Variants in RIMS2 observed in about 807,000 individuals in gnomAD.
RIMS2 encodes regulating synaptic membrane exocytosis 2.
A neutral mutation model predicts 174.4 loss-of-function variants in RIMS2; 59 were observed. The ratio of observed to expected loss-of-function variants is 0.34; its 90% confidence interval spans 0.27 to 0.42. The LOEUF is 0.42. Among genes scored for constraint, RIMS2 ranks in the 10% least tolerant of loss-of-function variants. The probability of loss-of-function intolerance (pLI) is 1.00; values close to 1 mark genes in which losing one functional copy is unlikely to be tolerated. For synonymous variants in RIMS2, 606 were observed against 572.5 expected, an observed-to-expected ratio of 1.06 and a Z score of -0.84; for missense variants, 1,620 against 1,666.3, an observed-to-expected ratio of 0.97 and a Z score of 0.48.
intron 19 of RIMS2, among the ~76,000 whole-genome samples, chr8:104,077,170 G>A (rs4276655): frequency 0.23 from 35,219 of 152,032 alleles, 4,466 homozygotes; most frequent in East Asian, 0.58. Flanking sequence ...TTAGAGCAGA[G>A]CTTGATATGT....
chr8:104,200,985 A>T (rs1007838631), intron 19 of RIMS2, among the ~76,000 whole-genome samples: 1 of 152,182 alleles, frequency 6.6e-6, no homozygotes, highest in Non-Finnish European at 1.5e-5. Flanking sequence ...TTTTCTCTCA[A>T]CTTTGATTTT....
intron 1 of RIMS2, among the ~76,000 whole-genome samples, chr8:103,559,832 T>C (rs954998387): frequency 6.6e-6 from 1 of 152,170 alleles, no homozygotes; most frequent in Non-Finnish European, 1.5e-5. Context: ...GAAGGGCTGT[T>C]GGTTACTCAC....
chr8:103,960,006 A>C (rs921684859), intron 14 of RIMS2, among the ~76,000 whole-genome samples: 1 of 152,132 alleles, frequency 6.6e-6, no homozygotes, highest in Non-Finnish European at 1.5e-5. Flanking sequence ...CTAAGATCAG[A>C]GCAGAACTGA....
At chr8:104,232,290 G>A (rs2099234762) in intron 19 of RIMS2, among the ~76,000 whole-genome samples, 1 of 152,192 alleles carries the variant, frequency 6.6e-6, no homozygotes, top group South Asian at 2.1e-4. Context: ...CATTCTTGCA[G>A]GTACAACAGT....
intron 1 of RIMS2, among the ~76,000 whole-genome samples, chr8:103,687,467 T>C (rs913636979): frequency 4.6e-5 from 7 of 152,128 alleles, no homozygotes; most frequent in Admixed American, 6.6e-5. Context: ...TCTGTATATA[T>C]TGTGGAATGA....
intron 8 of RIMS2, among the ~76,000 whole-genome samples, chr8:103,917,822 G>T (rs559360977): frequency 3.3e-4 from 50 of 152,140 alleles, no homozygotes; most frequent in African/African-American, 1.2e-3. Context: ...AACCAGCCTG[G>T]CCAACATGGT....
intron 2 of RIMS2, among the ~76,000 whole-genome samples, chr8:103,765,120 T>C (rs1032469520): frequency 1.3e-5 from 2 of 152,132 alleles, no homozygotes; most frequent in African/African-American, 4.8e-5. Context: ...TGAGAAAATG[T>C]TTAGCAACCT....
intron 19 of RIMS2, among the ~76,000 whole-genome samples, chr8:104,188,794 G>C (rs1035651692): frequency 6.6e-5 from 10 of 151,668 alleles, no homozygotes; most frequent in African/African-American, 2.4e-4. Flanking sequence ...TATTTCACTA[G>C]ACTCTTCAGT....
chr8:103,962,346 A>G (rs1021769817), intron 15 of RIMS2, among the ~76,000 whole-genome samples: 1 of 152,152 alleles, frequency 6.6e-6, no homozygotes, highest in Admixed American at 6.5e-5. Flanking sequence ...TCTCTGGAAT[A>G]ATTTTCTGGC....
At chr8:103,974,063 G>A (rs558996055) in intron 15 of RIMS2, among the ~76,000 whole-genome samples, 1 of 152,142 alleles carries the variant, frequency 6.6e-6, no homozygotes, top group Non-Finnish European at 1.5e-5. Flanking sequence ...CTGGGCAATT[G>A]TTCATGTTTC....
intron 20 of RIMS2, 52 bp downstream of exon 26, chr8:104,245,109 C>A (rs770533692): frequency 7.0e-6 from 11 of 1,561,614 alleles, no homozygotes. Context: ...ACCTATCTCA[C>A]TCTATGTGCT....
At chr8:103,715,138 G>C (rs1194610433) in intron 2 of RIMS2, among the ~76,000 whole-genome samples, 1 of 152,100 alleles carries the variant, frequency 6.6e-6, no homozygotes, top group African/African-American at 2.4e-5. Context: ...AAGATCTGAA[G>C]TGAGACAAGA....
chr8:104,166,059 CTTTTTTT>C lies in RIMS2; in HGVS notation c.3335-78838_3335-78832del, dbSNP rs560648211. Among the ~76,000 whole-genome samples, 548 of 97,810 alleles carry C rather than the reference CTTTTTTT, an allele frequency of 5.6e-3. 2 individuals carry two copies. The highest frequency in any genetic ancestry group is 0.019 in the African/African-American group (485 of 25,662). 64.2% of individuals were successfully genotyped at this position (97,810 alleles called of 152,430 possible). ...CTCACTGGAGTGGTATTTTGGATTTCTTTTTTTTTTTTTTTTTTTTTTTTTGAGACAG... is the reference window on the plus strand; with the variant it reads ...CTCACTGGAGTGGTATTTTGGATTTCTTTTTTTTTTTTTTTTTTGAGACAG... On this transcript the variant is annotated intron_variant, in intron 19 of 23. Coordinates refer to ENST00000504942, the Ensembl canonical transcript of RIMS2.
At chr8:104,136,647 G>A (rs10089678) in intron 19 of RIMS2, among the ~76,000 whole-genome samples, 33,181 of 152,008 alleles carry the variant, frequency 0.22, 3,825 homozygotes, top group South Asian at 0.34. Flanking sequence ...GTCCTTTGCA[G>A]GGACATGGAT....
intron 19 of RIMS2, among the ~76,000 whole-genome samples, chr8:104,088,858 GC>G (rs780294750): frequency 1.4e-4 from 22 of 151,792 alleles, no homozygotes; most frequent in Non-Finnish European, 2.8e-4. Context: ...TTCAATAATA[GC>G]CTTCTTTTCA....
intron 17 of RIMS2, among the ~76,000 whole-genome samples, chr8:104,007,511 A>T (rs151075855): frequency 1.0e-3 from 154 of 152,204 alleles, no homozygotes; most frequent in African/African-American, 3.5e-3. Context: ...TTTCCATTTG[A>T]CTATTTTATC....
chr8:104,208,440 C>T (rs1306442072), intron 19 of RIMS2, among the ~76,000 whole-genome samples: 2 of 151,846 alleles, frequency 1.3e-5, no homozygotes, highest in East Asian at 1.9e-4. Context: ...CAATGGCGGG[C>T]ACCTGTAATC....
chr8:104,059,732 G>A (rs1200887931), intron 19 of RIMS2, among the ~76,000 whole-genome samples: 5 of 151,360 alleles, frequency 3.3e-5, no homozygotes, highest in Admixed American at 6.6e-5. Flanking sequence ...TTCTTATTTT[G>A]AGATACGTCC....
At chr8:103,624,883 A>G (rs1172612698) in intron 1 of RIMS2, among the ~76,000 whole-genome samples, 34 of 152,274 alleles carry the variant, frequency 2.2e-4, no homozygotes, top group Non-Finnish European at 1.9e-4. Context: ...ACATACATAC[A>G]TACACACAAA....
Sources: gnomAD v4.1 joint callset for allele counts (sites outside exome capture counted in the v4.1 genomes callset) on GRCh38, gnomAD v4.1.1 for gene constraint, MANE v1.5 for transcripts, NCBI Gene and HGNC (gene_info 2026-07-23, HGNC 2026-07-21) for gene names.